Variants in METTL15 observed in about 807,000 individuals in gnomAD.
METTL15 encodes the protein 12S rRNA N(4)-cytidine methyltransferase METTL15.
A neutral mutation model predicts 38.3 loss-of-function variants in METTL15; 34 were observed. The observed-to-expected ratio is 0.89, with a 90% CI of 0.68 to 1.18. The LOEUF is 1.18. METTL15 is among the 50% of genes most tolerant of loss of function. The pLI, the probability that METTL15 is intolerant of heterozygous loss-of-function variation, is 0.00. For missense variants in METTL15, 438 were observed against 498.4 expected (o/e 0.88, Z 1.15); for synonymous variants, 162 against 170.9 (o/e 0.95, Z 0.41).
intron 5 of METTL15, among the ~76,000 whole-genome samples, chr11:28,377,168 G>A (rs1183994111): frequency 6.8e-6 from 1 of 147,278 alleles, no homozygotes; most frequent in Non-Finnish European, 1.5e-5. Flanking sequence ...GAGTATCTTT[G>A]TGGCGTTCTC....
At chr11:28,287,088 C>T (rs1431080711) in intron 4 of METTL15, 1 of 154,038 alleles carries the variant, frequency 6.5e-6, no homozygotes, top group East Asian at 1.9e-4. Context: ...TGCACACACA[C>T]ACACACGTCT....
chr11:28,277,948 A>C (rs1042528764), intron 4 of METTL15, among the ~76,000 whole-genome samples: 1 of 152,176 alleles, frequency 6.6e-6, no homozygotes, highest in East Asian at 1.9e-4. Flanking sequence ...CGGTACAAAC[A>C]TATAGTTGGA....
intron 5 of METTL15, among the ~76,000 whole-genome samples, chr11:28,404,750 G>A (rs919717338): frequency 2.0e-5 from 3 of 152,106 alleles, no homozygotes; most frequent in Non-Finnish European, 2.9e-5. Context: ...CGAAGATAAT[G>A]CAGAAAATGT....
intron 4 of METTL15, among the ~76,000 whole-genome samples, chr11:28,282,694 C>T (rs1856100735): frequency 1.3e-5 from 2 of 152,130 alleles, no homozygotes; most frequent in Non-Finnish European, 2.9e-5. Flanking sequence ...TGAAACAAGA[C>T]CACTCTTCCT....
chr11:28,456,191 G>T (rs1018325448), intron 6 of METTL15, among the ~76,000 whole-genome samples: 3 of 151,594 alleles, frequency 2.0e-5, no homozygotes, highest in Non-Finnish European at 4.4e-5. Flanking sequence ...AAAAATTTTT[G>T]TAGAGATGGG....
chr11:28,297,338 C>G (rs1378782438), intron 6 of METTL15, among the ~76,000 whole-genome samples: 1 of 152,116 alleles, frequency 6.6e-6, no homozygotes, highest in Non-Finnish European at 1.5e-5. Context: ...CATTACTTCT[C>G]TTAGTTTCAC....
chr11:28,456,695 T>G (rs905345573), intron 6 of METTL15, among the ~76,000 whole-genome samples: 6 of 151,896 alleles, frequency 4.0e-5, no homozygotes, highest in African/African-American at 7.3e-5. Flanking sequence ...CTGCCTTGGC[T>G]TCCCACAGTG....
At chr11:28,485,972 C>G (rs1321789926) in intron 6 of METTL15, among the ~76,000 whole-genome samples, 1 of 152,106 alleles carries the variant, frequency 6.6e-6, no homozygotes, top group African/African-American at 2.4e-5. Context: ...CAATTAGGAC[C>G]CGACTCTTAA....
chr11:28,112,704 C>T (rs947362951), intron 2 of METTL15, among the ~76,000 whole-genome samples: 2 of 152,152 alleles, frequency 1.3e-5, no homozygotes, highest in East Asian at 3.9e-4. Flanking sequence ...ATAGTTTAAA[C>T]TGATATACAC....
At chr11:28,323,734 A>G (rs1565255155) in intron 6 of METTL15, among the ~76,000 whole-genome samples, 2 of 152,210 alleles carry the variant, frequency 1.3e-5, no homozygotes, top group Non-Finnish European at 2.9e-5. Context: ...GGGGTTCTGG[A>G]TATATCCCAG....
At chr11:28,412,478 T>C (rs1850736833) in intron 5 of METTL15, among the ~76,000 whole-genome samples, 1 of 151,964 alleles carries the variant, frequency 6.6e-6, no homozygotes, top group Non-Finnish European at 1.5e-5. Context: ...TTTTCTGTTA[T>C]GGTGATATAT....
intron 4 of METTL15, among the ~76,000 whole-genome samples, chr11:28,267,160 CAAA>C (rs57831121): frequency 1.1e-4 from 6 of 53,762 alleles, no homozygotes; most frequent in African/African-American, 3.3e-4. Context: ...AACTCCATCT[CAAA>C]AAAAAAAAAA....
At chr11:28,265,239 T>C (rs1316900631) in intron 4 of METTL15, among the ~76,000 whole-genome samples, 2 of 151,550 alleles carry the variant, frequency 1.3e-5, no homozygotes, top group Non-Finnish European at 2.9e-5. Flanking sequence ...TGATCCTCAT[T>C]CCCATCACAC....
At chr11:28,466,252 T>C (rs1301209349) in intron 6 of METTL15, among the ~76,000 whole-genome samples, 4 of 152,174 alleles carry the variant, frequency 2.6e-5, no homozygotes, top group African/African-American at 9.7e-5. Flanking sequence ...GGTGGATAGA[T>C]TGACGAACGG....
intron 3 of METTL15, among the ~76,000 whole-genome samples, chr11:28,201,786 T>A (rs1009237104): frequency 2.4e-4 from 36 of 152,096 alleles, no homozygotes; most frequent in African/African-American, 8.7e-4. Context: ...AGAACAATGC[T>A]GTGGATATAT....
At chr11:28,345,525 A>T (rs1408348952) in intron 3 of METTL15, among the ~76,000 whole-genome samples, 4 of 152,168 alleles carry the variant, frequency 2.6e-5, no homozygotes, top group Admixed American at 6.5e-5. Flanking sequence ...AGTCATATAT[A>T]TTATTTTGGG....
chr11:28,356,025 G>A (rs1850087173), intron 4 of METTL15, among the ~76,000 whole-genome samples: 1 of 152,044 alleles, frequency 6.6e-6, no homozygotes. Flanking sequence ...CTCTCTACAT[G>A]TAATTTTTTG....
chr11:28,297,186 T>G (rs1452414024), intron 6 of METTL15, among the ~76,000 whole-genome samples: 2 of 151,998 alleles, frequency 1.3e-5, no homozygotes, highest in Admixed American at 1.3e-4. Flanking sequence ...TATACTGTAG[T>G]TTGCTAATTT....
chr11:28,316,256 AGTGTGACCTGGATGTGAGAC>A (rs769743847), intron 6 of METTL15, among the ~76,000 whole-genome samples: 1 of 152,196 alleles, frequency 6.6e-6, no homozygotes, highest in Non-Finnish European at 1.5e-5. Context: ...CTCTTGCATC[AGTGTGACCTGGATGTGAGAC>A]GTGGATTCAA....
Sources: allele counts gnomAD v4.1 joint callset (sites outside exome capture counted in the v4.1 genomes callset), GRCh38; gene constraint gnomAD v4.1.1; transcripts MANE v1.5; gene names NCBI Gene and HGNC (gene_info 2026-07-23, HGNC 2026-07-21).